Variants in CTNNA2 observed in about 807,000 individuals in gnomAD.
The protein encoded by CTNNA2 is catenin alpha 2.
Under a neutral mutation model 101.0 loss-of-function variants are expected in CTNNA2, and 42 were observed. That is an observed-to-expected ratio of 0.42 (90% confidence interval 0.32 to 0.54). The LOEUF is 0.54. Among genes scored for constraint, CTNNA2 ranks in the 20% least tolerant of loss-of-function variants. The pLI is 0.14. For missense variants in CTNNA2, 871 were observed against 1,223.1 expected (o/e 0.71, Z 4.29); for synonymous variants, 450 against 456.4 (o/e 0.99, Z 0.18).
chr2:80,145,463 T>C (rs934504197), intron 7 of CTNNA2, among the ~76,000 whole-genome samples: 1 of 152,190 alleles, frequency 6.6e-6, no homozygotes, highest in Non-Finnish European at 1.5e-5. Context: ...TAAAAGCTAT[T>C]CATTTGCAGT....
chr2:80,071,485 A>C (rs1338875190), intron 7 of CTNNA2, among the ~76,000 whole-genome samples: 1 of 152,182 alleles, frequency 6.6e-6, no homozygotes, highest in African/African-American at 2.4e-5. Context: ...TGCCCACTAC[A>C]AAGTTTTATT....
At chr2:80,504,579 CAGAG>C (rs1688126648) in intron 9 of CTNNA2, among the ~76,000 whole-genome samples, 1 of 152,070 alleles carries the variant, frequency 6.6e-6, no homozygotes. Flanking sequence ...TGAATGAAGC[CAGAG>C]AGAGCAAGGA....
chr2:79,200,087 C>G (rs1418235858), intron 2 of CTNNA2, among the ~76,000 whole-genome samples: 1 of 152,026 alleles, frequency 6.6e-6, no homozygotes, highest in Non-Finnish European at 1.5e-5. Context: ...CAGTACTAAT[C>G]CCATCATGAA....
intron 1 of CTNNA2, among the ~76,000 whole-genome samples, chr2:79,550,904 C>A (rs1463878979): frequency 6.6e-6 from 1 of 152,140 alleles, no homozygotes; most frequent in African/African-American, 2.4e-5. Context: ...CCCACTATAT[C>A]TAAAGACCTT....
intron 1 of CTNNA2, among the ~76,000 whole-genome samples, chr2:79,518,247 G>A (rs1671909029): frequency 6.6e-6 from 1 of 152,114 alleles, no homozygotes; most frequent in Admixed American, 6.6e-5. Flanking sequence ...AGTTTTGGGG[G>A]AAGCCAGGTA....
intron 9 of CTNNA2, among the ~76,000 whole-genome samples, chr2:80,431,234 C>G (rs1681476632): frequency 6.6e-6 from 1 of 152,150 alleles, no homozygotes. Flanking sequence ...AGGTGGAGTT[C>G]AACTTCACAA....
At chr2:80,596,287 T>G (rs1696959127) in intron 15 of CTNNA2, among the ~76,000 whole-genome samples, 1 of 31,774 alleles carries the variant, frequency 3.1e-5, no homozygotes, top group Non-Finnish European at 5.7e-5. Context: ...TTGTTTTTTT[T>G]TTTTTTTTTT....
At chr2:80,153,948 C>T (rs1011867474) in intron 7 of CTNNA2, among the ~76,000 whole-genome samples, 2 of 152,126 alleles carry the variant, frequency 1.3e-5, no homozygotes, top group African/African-American at 4.8e-5. Flanking sequence ...ACTCTGCAAC[C>T]TTGGACAAGT....
intron 9 of CTNNA2, among the ~76,000 whole-genome samples, chr2:80,443,310 T>C (rs945137910): frequency 6.6e-6 from 1 of 152,212 alleles, no homozygotes; most frequent in Non-Finnish European, 1.5e-5. Flanking sequence ...CCCATAATAG[T>C]ATTAATTCAA....
At chr2:80,164,714 GTCT>G (rs1704546011) in intron 7 of CTNNA2, among the ~76,000 whole-genome samples, 1 of 147,116 alleles carries the variant, frequency 6.8e-6, no homozygotes, top group Non-Finnish European at 1.5e-5. Flanking sequence ...TTAGAGAGCC[GTCT>G]TTAGCCCTTC....
intron 3 of CTNNA2, among the ~76,000 whole-genome samples, chr2:79,372,008 T>A (rs6547232): frequency 1.3e-5 from 2 of 152,174 alleles, no homozygotes; most frequent in Admixed American, 6.5e-5. Flanking sequence ...CTGAAAACTC[T>A]AAAACAGCCA....
At chr2:80,419,678 G>T in intron 9 of CTNNA2, 77 bp downstream of exon 9, 1 of 1,408,852 alleles carries the variant, frequency 7.1e-7, no homozygotes, top group Non-Finnish European at 9.7e-7. Context: ...AATTTCACTA[G>T]AGAGATATTC....
chr2:79,908,753 A>G (rs1036951850), intron 6 of CTNNA2, among the ~76,000 whole-genome samples: 3 of 152,124 alleles, frequency 2.0e-5, no homozygotes, highest in Non-Finnish European at 4.4e-5. Flanking sequence ...CTTTACTAGT[A>G]TGTAATTCAC....
At chr2:79,549,903 T>C (rs1327423422) in intron 1 of CTNNA2, among the ~76,000 whole-genome samples, 1 of 152,182 alleles carries the variant, frequency 6.6e-6, no homozygotes, top group Non-Finnish European at 1.5e-5. Flanking sequence ...GACTTTAAGA[T>C]GAAAGAGCCA....
At chr2:79,669,727 G>T (rs1405368522) in intron 2 of CTNNA2, among the ~76,000 whole-genome samples, 4 of 152,178 alleles carry the variant, frequency 2.6e-5, no homozygotes. Context: ...TGAAGAGGGT[G>T]CTCCTCTCTG....
intron 4 of CTNNA2, among the ~76,000 whole-genome samples, chr2:79,494,813 A>C (rs985516722): frequency 2.0e-5 from 3 of 152,112 alleles, no homozygotes; most frequent in Non-Finnish European, 4.4e-5. Context: ...AATTTTTTTC[A>C]AAATTAAAAA....
intron 7 of CTNNA2, among the ~76,000 whole-genome samples, chr2:79,910,136 T>C (rs1305194809): frequency 1.3e-5 from 2 of 152,174 alleles, no homozygotes; most frequent in Non-Finnish European, 2.9e-5. Flanking sequence ...CAGCTGAGGA[T>C]ATAGTAAGTC....
In CTNNA2 at chr2:79,909,637, T is replaced by C. The variant is rs2104321989; in HGVS notation, c.896T>C (p.Phe299Ser). The change falls in exon 7 of 19, where the codon TTC becomes TCC. Residue 299 changes from phenylalanine to serine, a missense_variant. Transcript: ENST00000402739. ...LDPMTFSEARFRPSLEERLES... is the reference protein window; with the variant it reads ...LDPMTFSEARSRPSLEERLES... Reference sequence around the variant, plus strand: ...CCCATGACGTTCAGCGAGGCCAGGTTCCGGCCGTCCCTGGAGGAGAGGCTG... The same window carrying C: ...CCCATGACGTTCAGCGAGGCCAGGTCCCGGCCGTCCCTGGAGGAGAGGCTG... The C allele has an allele frequency of 6.2e-7, 1 of 1,613,190 alleles. No individual in the cohort carries two copies. The highest frequency in any genetic ancestry group is 2.2e-5 in the East Asian group (1 of 44,834).
At chr2:79,348,445 A>T (rs1677311813) in intron 3 of CTNNA2, among the ~76,000 whole-genome samples, 1 of 152,200 alleles carries the variant, frequency 6.6e-6, no homozygotes, top group South Asian at 2.1e-4. Flanking sequence ...GAACTTTCCT[A>T]GAACTAAACT....
Sources: gnomAD v4.1 joint callset for allele counts (sites outside exome capture counted in the v4.1 genomes callset) on GRCh38, gnomAD v4.1.1 for gene constraint, MANE v1.5 for transcripts, NCBI Gene and HGNC (gene_info 2026-07-23, HGNC 2026-07-21) for gene names.